The following DSCAM variants were observed in gnomAD, a reference collection of about 807,000 sequenced individuals.
The protein encoded by DSCAM is cell adhesion molecule DSCAM.
In DSCAM, 47 loss-of-function variants were observed where a neutral mutation model predicts 217.7. The ratio of observed to expected loss-of-function variants is 0.22; its 90% confidence interval spans 0.17 to 0.28. DSCAM has a LOEUF of 0.28. Ranked by LOEUF, DSCAM falls within the 10% of genes least tolerant of loss-of-function variation. The pLI is 1.00. For missense variants in DSCAM, 2,080 were observed against 2,618.3 expected (o/e 0.79, Z 4.49); for synonymous variants, 1,056 against 1,015.3 (o/e 1.04, Z -0.76).
chr21:40,823,710 T>A (rs1450731301), intron 1 of DSCAM, among the ~76,000 whole-genome samples: 1 of 152,188 alleles, frequency 6.6e-6, no homozygotes, highest in African/African-American at 2.4e-5. Flanking sequence ...TTGTATACTT[T>A]AATTTCAAGA....
At chr21:40,142,070 C>T (rs978510325) in intron 18 of DSCAM, among the ~76,000 whole-genome samples, 9 of 149,686 alleles carry the variant, frequency 6.0e-5, no homozygotes, top group African/African-American at 1.5e-4. Flanking sequence ...GGAGACAAAA[C>T]GGGAGGGCCC....
chr21:40,606,005 T>C (rs551416383), intron 3 of DSCAM, among the ~76,000 whole-genome samples: 1 of 152,150 alleles, frequency 6.6e-6, no homozygotes, highest in South Asian at 2.1e-4. Context: ...TTCACCATGC[T>C]GGCCAGGCTG....
intron 3 of DSCAM, among the ~76,000 whole-genome samples, chr21:40,554,472 C>T (rs1213751201): frequency 1.3e-5 from 2 of 152,138 alleles, no homozygotes; most frequent in Non-Finnish European, 1.5e-5. Context: ...AAGTCCTTCA[C>T]CTTGTGGACA....
intron 3 of DSCAM, among the ~76,000 whole-genome samples, chr21:40,429,124 A>G (rs2837624): frequency 0.48 from 72,793 of 151,952 alleles, 17,754 homozygotes; most frequent in South Asian, 0.52. Context: ...ATGTTATTAT[A>G]TGGCACCAAC....
At chr21:40,772,133 T>C (rs1569029189) in intron 1 of DSCAM, among the ~76,000 whole-genome samples, 1 of 152,214 alleles carries the variant, frequency 6.6e-6, no homozygotes, top group Admixed American at 6.5e-5. Context: ...TGTTTTTAAA[T>C]GTTTTGCTAG....
intron 3 of DSCAM, among the ~76,000 whole-genome samples, chr21:40,451,371 A>T (rs565740476): frequency 6.6e-6 from 1 of 152,188 alleles, no homozygotes; most frequent in Non-Finnish European, 1.5e-5. Flanking sequence ...TTATAAAAAG[A>T]TTAGTGGGGC....
At chr21:40,737,389 G>A (rs1018337326) in intron 1 of DSCAM, among the ~76,000 whole-genome samples, 4 of 152,160 alleles carry the variant, frequency 2.6e-5, no homozygotes, top group African/African-American at 9.7e-5. Flanking sequence ...TGTAATGCCA[G>A]CATTTTAGGA....
chr21:40,539,080 G>A (rs1027793562), intron 3 of DSCAM, among the ~76,000 whole-genome samples: 1 of 152,156 alleles, frequency 6.6e-6, no homozygotes, highest in African/African-American at 2.4e-5. Context: ...ACTTAAGGGA[G>A]TCCCATGTTT....
intron 8 of DSCAM, among the ~76,000 whole-genome samples, chr21:40,326,562 T>C (rs2074319568): frequency 6.6e-6 from 1 of 152,180 alleles, no homozygotes. Context: ...CGGGGAACTA[T>C]TTAGTGTTGC....
At chr21:40,252,695 C>T (rs2837536) in intron 11 of DSCAM, among the ~76,000 whole-genome samples, 69,386 of 151,984 alleles carry the variant, frequency 0.46, 16,143 homozygotes, top group South Asian at 0.51. Context: ...TTGCCCTAGA[C>T]TTTGTTTCTA....
chr21:40,547,539 T>G (rs777089399), intron 3 of DSCAM, among the ~76,000 whole-genome samples: 1 of 152,150 alleles, frequency 6.6e-6, no homozygotes, highest in African/African-American at 2.4e-5. Flanking sequence ...GCATAATTAA[T>G]GGAGCACAGA....
chr21:40,093,731 T>G lies in DSCAM; in HGVS notation c.3840A>C (p.Pro1280=). 2.5e-6 allele frequency: 4 copies of G among 1,613,800 alleles called. No individual in the cohort carries two copies. The highest frequency in any genetic ancestry group is 3.4e-6 in the Non-Finnish European group (4 of 1,179,886). ...ATAGCCACTGCCTACCTTTTGCTAG[T>G]GGCTCGACTGTGATGATTTCACTGC... The part of the protein sequence containing the change: ...GNSSEIITVE[P]LAKAPARILT... The change falls in exon 21 of 33, where the codon CCA becomes CCC. Residue 1280 remains proline, a synonymous_variant. Coordinates refer to ENST00000400454, the MANE Select transcript of DSCAM (RefSeq NM_001389.5).
At chr21:40,749,562 CA>C (rs1427164149) in intron 1 of DSCAM, among the ~76,000 whole-genome samples, 14 of 152,026 alleles carry the variant, frequency 9.2e-5, no homozygotes, top group African/African-American at 2.9e-4. Flanking sequence ...CAAAAACACA[CA>C]AAAAATTTAA....
At chr21:40,720,014 T>C (rs1310933373) in intron 1 of DSCAM, among the ~76,000 whole-genome samples, 1 of 151,958 alleles carries the variant, frequency 6.6e-6, no homozygotes, top group African/African-American at 2.4e-5. Context: ...CCCTAGAGAG[T>C]GATGTCTTAG....
At chr21:40,728,539 C>T (rs2090981005) in intron 1 of DSCAM, among the ~76,000 whole-genome samples, 1 of 152,136 alleles carries the variant, frequency 6.6e-6, no homozygotes, top group African/African-American at 2.4e-5. Context: ...CTGCCTCAGC[C>T]TCCTGAGTAG....
chr21:40,124,120 A>C, intron 20 of DSCAM, 75 bp downstream of exon 20: 1 of 1,594,328 alleles, frequency 6.3e-7, no homozygotes, highest in Non-Finnish European at 8.6e-7. Context: ...CAAAGGAACG[A>C]AACTGTCCAG....
chr21:40,110,131 C>T (rs2089876981), intron 20 of DSCAM, among the ~76,000 whole-genome samples: 1 of 152,174 alleles, frequency 6.6e-6, no homozygotes, highest in East Asian at 1.9e-4. Flanking sequence ...CAAGTGGGTC[C>T]CTGACCCCCG....
At chr21:40,525,835 TG>T (rs1488919625) in intron 3 of DSCAM, among the ~76,000 whole-genome samples, 1 of 152,214 alleles carries the variant, frequency 6.6e-6, no homozygotes, top group African/African-American at 2.4e-5. Flanking sequence ...AAAACCCCTG[TG>T]GCCTTCCATC....
intron 3 of DSCAM, among the ~76,000 whole-genome samples, chr21:40,407,696 G>A (rs1187159840): frequency 6.6e-6 from 1 of 152,218 alleles, no homozygotes; most frequent in African/African-American, 2.4e-5. Context: ...CATTTGGGCT[G>A]TCTCAGCTGA....
Sources: allele counts gnomAD v4.1 joint callset (sites outside exome capture counted in the v4.1 genomes callset), GRCh38; gene constraint gnomAD v4.1.1; transcripts MANE v1.5; gene names NCBI Gene and HGNC (gene_info 2026-07-23, HGNC 2026-07-21).